Variants in ANTXRL observed in about 807,000 individuals in gnomAD.
ANTXRL encodes anthrax toxin receptor-like.
ANTXRL carries 63 observed loss-of-function variants against 75.4 expected under a neutral mutation model. The ratio of observed to expected loss-of-function variants is 0.84; its 90% CI spans 0.68 to 1.03. The LOEUF is 1.03. Ranked by LOEUF, ANTXRL falls within the 50% of genes least tolerant of loss-of-function variation. The probability of loss-of-function intolerance (pLI) is 0.00; values close to 1 mark genes in which losing one functional copy is unlikely to be tolerated. For synonymous variants in ANTXRL, 335 were observed against 291.3 expected, an observed-to-expected ratio of 1.15 and a Z score of -1.53; for missense variants, 797 against 789.4, an observed-to-expected ratio of 1.01 and a Z score of -0.12.
In ANTXRL at chr10:46,296,249, G is replaced by A. The variant is rs782582299; in HGVS notation, c.505G>A (p.Gly169Arg). ...TCAACAGATCGAAAGTTTCAACTCC[G>A]GAAGTAAGCACCTGCCGTCCCCCTG... ...AIQQIESFNS[G>R]NKVPSMIIAM... The change falls in exon 5 of 17, where the codon GGA (glycine) becomes AGA (arginine). Residue 169 changes from glycine (G) to arginine (R), a missense_variant. Gly to Arg is a moderately radical substitution (Grantham distance 125, BLOSUM62 -2). Coordinates refer to ENST00000620264, the MANE Select transcript of ANTXRL (RefSeq NM_001278688.3). 1.1e-5 allele frequency: 17 copies of A among 1,535,682 alleles called. No homozygotes were observed. In the African/African-American group the frequency reaches 1.2e-4, roughly 11 times the overall value.
At chr10:46,321,445 C>T (rs782005581) in intron 16 of ANTXRL, among the ~76,000 whole-genome samples, 2 of 152,098 alleles carry the variant, frequency 1.3e-5, no homozygotes, top group Non-Finnish European at 2.9e-5. Flanking sequence ...TATACAGTCC[C>T]AAGAGTCTGA....
At chr10:46,299,256 G>C (rs1247142651) in intron 9 of ANTXRL, among the ~76,000 whole-genome samples, 2 of 152,118 alleles carry the variant, frequency 1.3e-5, no homozygotes, top group Admixed American at 1.3e-4. Flanking sequence ...CACCCTATGA[G>C]CAGAAGGAAA....
At position 46,301,145 on chromosome 10, in the gene ANTXRL, C is replaced by T. The variant is rs77330139; in HGVS notation, c.797-1577C>T. ...CTTAGAGTGGCCAAGTTGGGCTGAC[C>T]AAGGGGCGCAGGCCACAGGCCCAGT... On this transcript the variant is annotated intron_variant, in intron 9 of 16. Transcript: ENST00000620264. Among the ~76,000 whole-genome samples the T allele has an allele frequency of 4.2e-3, 645 of 152,386 alleles. 3 individuals carry two copies. Among genetic ancestry groups the T allele is most frequent in the Non-Finnish European group, 5.0e-3 (338 of 68,038 alleles).
intron 9 of ANTXRL, among the ~76,000 whole-genome samples, chr10:46,299,365 C>A (rs1425807140): frequency 1.3e-5 from 2 of 152,124 alleles, no homozygotes; most frequent in African/African-American, 4.8e-5. Context: ...TGAGACGTAG[C>A]GAGGATGCCC....
At position 46,295,456 on chromosome 10, in the gene ANTXRL, G is replaced by C. The variant is rs556649970; in HGVS notation, c.393-563G>C. Among the ~76,000 whole-genome samples the C allele has an allele frequency of 2.7e-3, 407 of 148,774 alleles. 6 individuals carry two copies. Among genetic ancestry groups the C allele is most frequent in the African/African-American group, 9.8e-3 (391 of 39,788 alleles). Reference sequence around the variant, plus strand: ...CATCCCTGGTTCAGGGTTAAGGTTAGGGTTTGGGTTAGAGTTAGAGTTAGA... The same window carrying C: ...CATCCCTGGTTCAGGGTTAAGGTTACGGTTTGGGTTAGAGTTAGAGTTAGA... On this transcript the variant is annotated intron_variant, in intron 3 of 16. Transcript: ENST00000620264.
intron 9 of ANTXRL, among the ~76,000 whole-genome samples, chr10:46,298,381 C>G (rs773406094): frequency 2.0e-5 from 3 of 148,816 alleles, no homozygotes; most frequent in Non-Finnish European, 4.5e-5. Context: ...TGTATATGTG[C>G]TGTGAGTGTG....
intron 16 of ANTXRL, among the ~76,000 whole-genome samples, chr10:46,314,210 C>G (rs548671026): frequency 1.3e-5 from 2 of 152,266 alleles, no homozygotes; most frequent in South Asian, 4.1e-4. Flanking sequence ...GGGCCGGGAG[C>G]CCCTGGGAGG....
intron 1 of ANTXRL, among the ~76,000 whole-genome samples, chr10:46,291,465 G>GA (rs1836979553): frequency 1.4e-5 from 2 of 144,794 alleles, no homozygotes; most frequent in South Asian, 4.6e-4. Context: ...TTTTATTTCT[G>GA]CAAAAAATGC....
chr10:46,318,316 A>G (rs1554965007), intron 16 of ANTXRL, among the ~76,000 whole-genome samples: 3 of 152,108 alleles, frequency 2.0e-5, no homozygotes, highest in African/African-American at 7.3e-5. Context: ...TAAGTGTAAC[A>G]CAAATATGCT....
intron 16 of ANTXRL, among the ~76,000 whole-genome samples, chr10:46,329,325 G>A (rs1287592407): frequency 6.6e-6 from 1 of 152,132 alleles, no homozygotes; most frequent in Non-Finnish European, 1.5e-5. Context: ...CCAGGGGGAA[G>A]CAAACAATTT....
intron 16 of ANTXRL, among the ~76,000 whole-genome samples, chr10:46,318,120 G>C (rs1554964986): frequency 6.6e-6 from 1 of 152,130 alleles, no homozygotes; most frequent in African/African-American, 2.4e-5. Flanking sequence ...GGTGGCCTCA[G>C]TGTTAGTGCC....
At chr10:46,304,025 G>T (rs1384344785) in intron 10 of ANTXRL, among the ~76,000 whole-genome samples, 8 of 152,242 alleles carry the variant, frequency 5.3e-5, no homozygotes, top group African/African-American at 1.9e-4. Context: ...CATAGGAAGG[G>T]GCTGAGCCTG....
intron 16 of ANTXRL, among the ~76,000 whole-genome samples, chr10:46,315,988 T>C (rs1442609326): frequency 2.0e-5 from 3 of 152,088 alleles, no homozygotes; most frequent in Non-Finnish European, 2.9e-5. Flanking sequence ...TACACACTTA[T>C]ACAAAATGAA....
chr10:46,294,852 GCTCCGGCCATGGCAGGGACT>G (rs71522822), intron 3 of ANTXRL, among the ~76,000 whole-genome samples: 30,446 of 151,192 alleles, frequency 0.2, 2,733 homozygotes, highest in Non-Finnish European at 0.24. Context: ...GGCTCTCAGA[GCTCCGGCCATGGCAGGGACT>G]CTCTGCCCAC....
At chr10:46,306,489 CA>C (rs1375843149) in intron 10 of ANTXRL, among the ~76,000 whole-genome samples, 1 of 152,172 alleles carries the variant, frequency 6.6e-6, no homozygotes, top group African/African-American at 2.4e-5. Flanking sequence ...CTCCTCTGGT[CA>C]TGGACATCAC....
chr10:46,289,934 C>T (rs550001976), intron 1 of ANTXRL, among the ~76,000 whole-genome samples: 196 of 152,118 alleles, frequency 1.3e-3, no homozygotes, highest in Non-Finnish European at 2.2e-3. Flanking sequence ...ACCTTTTTCA[C>T]TTAGCATAAT....
At chr10:46,293,719 A>G in intron 2 of ANTXRL, 110 bp from the exon 3 acceptor site, 1 of 876,806 alleles carries the variant, frequency 1.1e-6, no homozygotes, top group Non-Finnish European at 1.8e-6. Flanking sequence ...TGTGTCCAGC[A>G]AGGGGCTCCA....
At chr10:46,326,362 C>T (rs1045896906) in intron 16 of ANTXRL, among the ~76,000 whole-genome samples, 4 of 152,032 alleles carry the variant, frequency 2.6e-5, no homozygotes, top group South Asian at 2.1e-4. Flanking sequence ...CAAAAATGAA[C>T]GGAGGCAGCC....
At chr10:46,288,655 T>C (rs1394016719) in intron 1 of ANTXRL, among the ~76,000 whole-genome samples, 2 of 152,034 alleles carry the variant, frequency 1.3e-5, no homozygotes, top group African/African-American at 4.8e-5. Context: ...CCCCCATCTG[T>C]AAAAAGGGTA....
Sources: gnomAD v4.1 joint callset for allele counts (sites outside exome capture counted in the v4.1 genomes callset) on GRCh38, gnomAD v4.1.1 for gene constraint, MANE v1.5 for transcripts, NCBI Gene and HGNC (gene_info 2026-07-23, HGNC 2026-07-21) for gene names.